Variants in ZNF444 observed in about 807,000 individuals in gnomAD.
ZNF444 encodes endothelial zinc finger protein 2.
A neutral mutation model predicts 14.4 loss-of-function variants in ZNF444; 8 were observed. The observed-to-expected ratio is 0.56, with a 90% CI of 0.33 to 1.00. The LOEUF (loss-of-function observed/expected upper bound fraction) is 1.00, where lower values mean the gene tolerates loss of function less well. ZNF444 is among the 50% of genes least tolerant of loss of function. The probability of loss-of-function intolerance (pLI) is 0.03; values close to 1 mark genes in which losing one functional copy is unlikely to be tolerated. For synonymous variants in ZNF444, 258 were observed against 235.9 expected (o/e 1.09, Z -0.86); for missense variants, 510 against 504.8 (o/e 1.01, Z -0.10).
At position 56,160,461 on chromosome 19, in the gene ZNF444, G is replaced by T; in HGVS notation, c.*260G>T. On this transcript the variant is annotated 3_prime_UTR_variant, in exon 5 of 5. Transcript: ENST00000337080. ...TCGGCCTCTCTCTCTGTGTGAAGGGGCCTCTCCCTAATGTCTCCTCCTTCC... is the reference window on the plus strand; with the variant it reads ...TCGGCCTCTCTCTCTGTGTGAAGGGTCCTCTCCCTAATGTCTCCTCCTTCC... 3 of 450,866 alleles carry T rather than the reference G, an allele frequency of 6.7e-6. No individual in the cohort carries two copies. The highest frequency in any genetic ancestry group is 1.2e-5 in the Non-Finnish European group (3 of 256,730). The allele number at this position is 450,866 out of a possible 1,614,324, so 27.9% of individuals were successfully genotyped here. A position where few individuals can be genotyped will look rare whatever the true frequency, so the allele number is the denominator to read the frequency against.
At position 56,147,121 on chromosome 19, in the gene ZNF444, C is replaced by T. The variant is rs555028758; in HGVS notation, c.210C>T (p.Ser70=). The T allele has an allele frequency of 6.1e-5, 95 of 1,569,034 alleles. No individual in the cohort carries two copies. The East Asian group carries it at 1.4e-3, about 23-fold the overall frequency. Residue 70 remains serine, a synonymous_variant, in exon 3 of 5, where the codon AGC becomes AGT. Transcript: ENST00000337080. The surrounding 1 kb of genome is among the most constrained non-coding windows in gnomAD (Gnocchi z 5.9). Reference sequence around the variant, plus strand: ...TGCTGGTGCTGGAACAGTTCCTGAGCGCGCTGCCCGCCGACACGCAGGCCT... The same window carrying T: ...TGCTGGTGCTGGAACAGTTCCTGAGTGCGCTGCCCGCCGACACGCAGGCCT... ...LELLVLEQFL[S]ALPADTQAWV...
chr19:56,148,098 C>T (rs777847972), intron 3 of ZNF444, among the ~76,000 whole-genome samples: 1 of 152,150 alleles, frequency 6.6e-6, no homozygotes, highest in Non-Finnish European at 1.5e-5. Context: ...CTAGTCAGCA[C>T]GTTAAAAAAA....
At chr19:56,146,736 T>G (rs2031207243) in intron 2 of ZNF444, among the ~76,000 whole-genome samples, 154 bp from the exon 3 acceptor site, 1 of 152,036 alleles carries the variant, frequency 6.6e-6, no homozygotes, top group African/African-American at 2.4e-5. Flanking sequence ...TGCAGTAAGC[T>G]GAGATCCGCC....
At chr19:56,153,345 G>A (rs1230738314) in intron 3 of ZNF444, among the ~76,000 whole-genome samples, 1 of 152,178 alleles carries the variant, frequency 6.6e-6, no homozygotes. Flanking sequence ...CTGTGGGTTG[G>A]GGCCTTGTCT....
Position 56,144,037 on chromosome 19 carries a change from A to G in ZNF444, c.-196-2210A>G, listed in dbSNP as rs1414936209. 1.3e-5 allele frequency among the ~76,000 whole-genome samples: 2 copies of G among 152,174 alleles called. No individual in the cohort carries two copies. Among genetic ancestry groups the G allele is most frequent in the African/African-American group, 2.4e-5 (1 of 41,442 alleles). On this transcript the variant is annotated intron_variant, in intron 1 of 4. Transcript: ENST00000337080. This position sits in a 1 kb window ranked among gnomAD's most constrained non-coding sequence, Gnocchi z 4.0. ...ATAGAAAGTGAGCCAGACCGGGCAC[A>G]GTGGCTCACTCCTGTAATCCCAGCA...
chr19:56,156,839 G>T (rs978001124), intron 3 of ZNF444: 2 of 152,370 alleles, frequency 1.3e-5, no homozygotes, highest in Non-Finnish European at 2.9e-5. Flanking sequence ...GCCTGTCCCC[G>T]CATGGGTGTG....
At chr19:56,158,753 T>C (rs769822200) in intron 4 of ZNF444, 151 bp downstream of exon 4, 17 of 652,480 alleles carry the variant, frequency 2.6e-5, no homozygotes, top group Non-Finnish European at 4.3e-5. Context: ...GGGGCGGGCA[T>C]TGGGGGTATG....
Position 56,150,722 on chromosome 19 carries a change from T to G in ZNF444, c.297+3514T>G, listed in dbSNP as rs143975434. ...AGCCATTGTAGCTGACGGTGGTGTA[T>G]AGACAGCTGACATCTGGGGGCGCTG... On this transcript the variant is annotated intron_variant, in intron 3 of 4. Coordinates refer to ENST00000337080, the MANE Select transcript of ZNF444 (RefSeq NM_018337.4). Among the ~76,000 whole-genome samples the G allele has an allele frequency of 4.4e-4, 67 of 152,102 alleles. 1 individual carries two copies. In the East Asian group the frequency reaches 0.01, roughly 23 times the overall value.
intron 4 of ZNF444, 21 bp from the exon 5 acceptor site, chr19:56,159,603 T>C: frequency 1.4e-6 from 2 of 1,422,958 alleles, no homozygotes; most frequent in Non-Finnish European, 1.8e-6. Context: ...ACCCAGATGC[T>C]GACTCTCTTT....
intron 3 of ZNF444, among the ~76,000 whole-genome samples, chr19:56,148,022 G>A (rs2031311049): frequency 2.0e-5 from 3 of 150,866 alleles, no homozygotes; most frequent in African/African-American, 7.3e-5. Context: ...CAGGGAAGTT[G>A]CCAGCCTGGC....
rs2031869157 is a variant in ZNF444, at chr19:56,155,758, CA to C, written c.298-2735del. The stretch of plus-strand genomic sequence containing the variant: ...TACTCAAAGTATCTTTTTCTATTCT[CA>C]GCATCAGTGACCACAGAAGACGTCT... On this transcript the variant is annotated intron_variant, in intron 3 of 4. Transcript: ENST00000337080. The C allele has an allele frequency of 2.0e-5, 3 of 152,276 alleles. No individual in the cohort carries two copies. In the South Asian group the frequency reaches 6.2e-4, roughly 31 times the overall value. The allele number at this position is 152,276 out of a possible 1,614,324, so 9.4% of individuals were successfully genotyped here.
At chr19:56,156,294 CT>C (rs1387959364) in intron 3 of ZNF444, 3 of 152,216 alleles carry the variant, frequency 2.0e-5, no homozygotes, top group Non-Finnish European at 4.4e-5. Flanking sequence ...GAACCCTGTC[CT>C]TTTGGCCTTT....
At chr19:56,141,651 A>AGGGGGG (rs1228137205) in intron 1 of ZNF444, 2 of 20,866 alleles carry the variant, frequency 9.6e-5, no homozygotes, top group Admixed American at 6.2e-4. Context: ...CGCCTGGGGG[A>AGGGGGG]GGGGGAGGGG....
intron 3 of ZNF444, chr19:56,157,707 C>T (rs1246272665): frequency 6.6e-6 from 1 of 152,242 alleles, no homozygotes; most frequent in East Asian, 1.9e-4. Flanking sequence ...CTGGCCTAGG[C>T]ATTGCTAATT....
intron 2 of ZNF444, among the ~76,000 whole-genome samples, 159 bp downstream of exon 2, chr19:56,146,579 C>G (rs923205262): frequency 6.6e-6 from 1 of 152,164 alleles, no homozygotes; most frequent in Non-Finnish European, 1.5e-5. Context: ...CACCTGGGGT[C>G]AGGAGTTTGA....
intron 3 of ZNF444, chr19:56,155,438 C>A (rs540262989): frequency 6.6e-6 from 1 of 152,564 alleles, no homozygotes; most frequent in South Asian, 2.1e-4. Flanking sequence ...GACCCCCAAC[C>A]CTGAGTCACG....
upstream of ZNF444, among the ~76,000 whole-genome samples, chr19:56,139,081 AC>A (rs1192036665): frequency 6.6e-6 from 1 of 152,084 alleles, no homozygotes. Context: ...GGCGTGAGCC[AC>A]CACACCCGGC....
chr19:56,155,688 T>G (rs2031863350), intron 3 of ZNF444: 3 of 152,004 alleles, frequency 2.0e-5, no homozygotes, highest in Admixed American at 6.5e-5. Flanking sequence ...TTGCCCGAGG[T>G]GACACAGCTG....
rs1026580232 is a variant in ZNF444 at position 56,160,382 on chromosome 19, A to G, written c.*181A>G. 1.2e-5 allele frequency: 6 copies of G among 508,300 alleles called. No homozygotes were observed. Among genetic ancestry groups the G allele is most frequent in the Admixed American group, 4.4e-5 (1 of 22,978 alleles). The allele number at this position is 508,300 out of a possible 1,614,324, so 31.5% of individuals were successfully genotyped here. Reference sequence around the variant, plus strand: ...TTCCTTTCCAACTCCTTTTCCCCCAAATTTCACTTTCCTTCTCAGGTCTCA... The same window carrying G: ...TTCCTTTCCAACTCCTTTTCCCCCAGATTTCACTTTCCTTCTCAGGTCTCA... On this transcript the variant is annotated 3_prime_UTR_variant, in exon 5 of 5. Transcript: ENST00000337080.
Sources: allele counts gnomAD v4.1 joint callset (sites outside exome capture counted in the v4.1 genomes callset), GRCh38; gene constraint gnomAD v4.1.1; non-coding constraint Gnocchi (gnomAD v3.1); transcripts MANE v1.5; gene names NCBI Gene and HGNC (gene_info 2026-07-23, HGNC 2026-07-21).